INPP4A: variants seen among roughly 807,000 people sequenced by gnomAD.
INPP4A encodes inositol polyphosphate-4-phosphatase, type I, 107kD.
In INPP4A, 33 loss-of-function variants were observed where a neutral mutation model predicts 119.8. That is an observed-to-expected ratio of 0.28 (90% CI 0.21 to 0.37). The LOEUF (loss-of-function observed/expected upper bound fraction) is 0.37. INPP4A is among the 10% of genes least tolerant of loss of function. The pLI is 1.00. For missense variants in INPP4A, 956 were observed against 1,289.9 expected (o/e 0.74, Z 3.97); for synonymous variants, 496 against 500.7 (o/e 0.99, Z 0.12).
At chr2:98,462,797 T>C (rs1042548398) in intron 1 of INPP4A, among the ~76,000 whole-genome samples, 8 of 152,096 alleles carry the variant, frequency 5.3e-5, no homozygotes, top group Non-Finnish European at 1.2e-4. Flanking sequence ...CTGGGATTAC[T>C]GGTGTGATCC....
At chr2:98,489,054 G>A (rs1680158180) in intron 1 of INPP4A, among the ~76,000 whole-genome samples, 1 of 151,710 alleles carries the variant, frequency 6.6e-6, no homozygotes, top group Admixed American at 6.6e-5. Flanking sequence ...TTAGCTCTGT[G>A]GGGTGATGAT....
At chr2:98,549,313 C>G in intron 13 of INPP4A, among the ~76,000 whole-genome samples, 1 of 152,160 alleles carries the variant, frequency 6.6e-6, no homozygotes, top group Non-Finnish European at 1.5e-5. Flanking sequence ...CAGCTGGGAA[C>G]TCCTGTCTTC....
rs1283243343 is a variant in INPP4A at position 98,461,080 on chromosome 2, C to T, written c.-166+15995C>T. On this transcript the variant is annotated intron_variant, in intron 1 of 24. Coordinates refer to ENST00000409851, the MANE Select transcript of INPP4A (RefSeq NM_001134225.2). ...CCCGTGACCTCATGGGGTATCTGCA[C>T]AGTGGGTGCAGTGCAAAAAGACACA... is the stretch of plus-strand genomic sequence containing the variant. Among the ~76,000 whole-genome samples the T allele has an allele frequency of 2.6e-5, 4 of 152,100 alleles. No individual in the cohort carries two copies. In the East Asian group the frequency reaches 7.7e-4, roughly 29 times the overall value.
chr2:98,447,052 C>T (rs985174779), intron 1 of INPP4A, among the ~76,000 whole-genome samples: 2 of 152,112 alleles, frequency 1.3e-5, no homozygotes, highest in African/African-American at 2.4e-5. Context: ...GACCTGAAGG[C>T]GGTGTGGGAC....
chr2:98,577,173 G>A lies in INPP4A; in HGVS notation c.2786+30G>A, dbSNP rs760638326. On this transcript the variant is annotated intron_variant, in intron 24 of 24. Coordinates refer to ENST00000409851, the MANE Select transcript of INPP4A (RefSeq NM_001134225.2). ...GTGCCGCAGCCAGGCCGCGCGCCCC[G>A]CCTGCCCCGGCCCGTGTAAACTGCA... The A allele has an allele frequency of 6.9e-5, 107 of 1,548,106 alleles. No individual in the cohort carries two copies. The Middle Eastern group carries it at 1.2e-3, about 17-fold the overall frequency.
chr2:98,565,826 A>G (rs1696332987), intron 20 of INPP4A, 60 bp downstream of exon 20: 1 of 1,587,302 alleles, frequency 6.3e-7, no homozygotes, highest in Non-Finnish European at 8.6e-7. Flanking sequence ...TGTTTATCTC[A>G]GGGAAGGTAC....
At chr2:98,454,219 G>A (rs192565786) in intron 1 of INPP4A, among the ~76,000 whole-genome samples, 1 of 152,362 alleles carries the variant, frequency 6.6e-6, no homozygotes, top group African/African-American at 2.4e-5. Flanking sequence ...TGGCCCCAGT[G>A]AAAGCATTGC....
At chr2:98,549,081 G>T in intron 13 of INPP4A, 2 of 930,230 alleles carry the variant, frequency 2.2e-6, no homozygotes, top group South Asian at 1.5e-5. Flanking sequence ...GTGCTGCCAT[G>T]GTTCCTAGTT....
intron 1 of INPP4A, among the ~76,000 whole-genome samples, chr2:98,467,207 C>T (rs1006622017): frequency 6.6e-6 from 1 of 152,102 alleles, no homozygotes; most frequent in South Asian, 2.1e-4. Context: ...AACTCACGCA[C>T]CCTCAAAGCG....
chr2:98,551,137 T>A (rs1379413437), intron 13 of INPP4A, among the ~76,000 whole-genome samples: 1 of 152,084 alleles, frequency 6.6e-6, no homozygotes, highest in East Asian at 1.9e-4. Flanking sequence ...TAAATTTTTT[T>A]AAAAGGTGGG....
At chr2:98,556,539 G>A (rs538299416) in intron 16 of INPP4A, among the ~76,000 whole-genome samples, 74 of 152,338 alleles carry the variant, frequency 4.9e-4, no homozygotes, top group Non-Finnish European at 4.3e-4. Flanking sequence ...GCCTTTTCCT[G>A]TAAGAGCCAT....
intron 1 of INPP4A, among the ~76,000 whole-genome samples, chr2:98,486,134 G>C (rs1435560786): frequency 6.6e-6 from 1 of 152,144 alleles, no homozygotes; most frequent in Non-Finnish European, 1.5e-5. Flanking sequence ...TGGATTTCTA[G>C]CTTTTTTTCT....
At position 98,578,481 on chromosome 2, in the gene INPP4A, TTCTC is replaced by T. The variant is rs558500730; in HGVS notation, c.2786+1339_2786+1342del. ...AGTCCATGCGGAAACCTCTACTCAG[TTCTC>T]GGGCTCTCGAACAAGTTCAACGGAA... is the stretch of plus-strand genomic sequence containing the variant. On this transcript the variant is annotated intron_variant, in intron 24 of 24. Coordinates refer to ENST00000409851, the MANE Select transcript of INPP4A (RefSeq NM_001134225.2). 2.0e-4 allele frequency among the ~76,000 whole-genome samples: 30 copies of T among 152,230 alleles called. No homozygotes were observed. In the South Asian group the frequency reaches 6.2e-3, roughly 32 times the overall value.
intron 4 of INPP4A, among the ~76,000 whole-genome samples, chr2:98,531,513 A>G (rs1447209088): frequency 2.6e-5 from 4 of 152,242 alleles, no homozygotes; most frequent in Non-Finnish European, 4.4e-5. Context: ...AAAGTAATAC[A>G]ACAATTCGCA....
chr2:98,565,979 CGGT>C (rs1331149488), intron 20 of INPP4A, 47 bp from the exon 21 acceptor site: 2 of 1,571,476 alleles, frequency 1.3e-6, no homozygotes, highest in African/African-American at 2.7e-5. Flanking sequence ...GCAGCCTGCT[CGGT>C]GGCCCTCTGG....
At chr2:98,493,588 G>A (rs988064602) in intron 1 of INPP4A, among the ~76,000 whole-genome samples, 13 of 151,884 alleles carry the variant, frequency 8.6e-5, no homozygotes, top group African/African-American at 2.9e-4. Flanking sequence ...GTAGAGACAG[G>A]GTTTCGCTAT....
intron 1 of INPP4A, among the ~76,000 whole-genome samples, chr2:98,469,268 G>A (rs946985443): frequency 6.6e-6 from 1 of 152,184 alleles, no homozygotes; most frequent in Non-Finnish European, 1.5e-5. Flanking sequence ...GGAGGCCGAG[G>A]TGGGTAGATC....
At position 98,539,532 on chromosome 2, in the gene INPP4A, C is replaced by T. The variant is rs376566589; in HGVS notation, c.675C>T (p.Phe225=). 154 of 1,606,842 alleles carry T rather than the reference C, an allele frequency of 9.6e-5. No homozygotes were observed. The highest frequency in any genetic ancestry group is 3.4e-4 in the African/African-American group (25 of 74,584). The change falls in exon 10 of 25, where the codon TTC becomes TTT. Residue 225 remains phenylalanine, a synonymous_variant. Coordinates refer to ENST00000409851, the MANE Select transcript of INPP4A (RefSeq NM_001134225.2). ...TCCCTTGTCATCCCACCTCAGTGTTCGGTGGTGCCATCTGCCGCATGTACC... is the reference window on the plus strand; with the variant it reads ...TCCCTTGTCATCCCACCTCAGTGTTTGGTGGTGCCATCTGCCGCATGTACC... ...LRKDTLLKSV[F]GGAICRMYRF...
At chr2:98,509,993 C>A (rs750217697) in intron 1 of INPP4A, among the ~76,000 whole-genome samples, 1 of 152,166 alleles carries the variant, frequency 6.6e-6, no homozygotes, top group Non-Finnish European at 1.5e-5. Flanking sequence ...GTGGCTGATG[C>A]AAAGGCCACA....
Sources: gnomAD v4.1 joint callset for allele counts (sites outside exome capture counted in the v4.1 genomes callset) on GRCh38, gnomAD v4.1.1 for gene constraint, MANE v1.5 for transcripts, NCBI Gene and HGNC (gene_info 2026-07-23, HGNC 2026-07-21) for gene names.